The following PHACTR4 variants were observed in gnomAD, a reference collection of about 807,000 sequenced individuals.
PHACTR4 encodes phosphatase and actin regulator 4, also known as protein phosphatase 1, regulatory subunit 124.
In PHACTR4, 51 loss-of-function variants were observed where a neutral mutation model predicts 72.7. That is an observed-to-expected ratio of 0.70 (90% confidence interval 0.56 to 0.89). PHACTR4 has a LOEUF of 0.89. Ranked by LOEUF, PHACTR4 falls within the 40% of genes least tolerant of loss-of-function variation. The pLI is 0.00. For missense variants in PHACTR4, 731 were observed against 861.8 expected, an observed-to-expected ratio of 0.85 and a Z score of 1.90; for synonymous variants, 255 against 302.5, an observed-to-expected ratio of 0.84 and a Z score of 1.63.
chr1:28,486,217 G>A (rs767415275), intron 9 of PHACTR4, among the ~76,000 whole-genome samples: 1 of 151,962 alleles, frequency 6.6e-6, no homozygotes, highest in African/African-American at 2.4e-5. Context: ...TTAGCTGGGC[G>A]TGGTAGCACA....
intron 1 of PHACTR4, among the ~76,000 whole-genome samples, chr1:28,383,166 T>C (rs980521301): frequency 4.6e-5 from 7 of 152,196 alleles, no homozygotes; most frequent in East Asian, 1.9e-4. Context: ...CAGATACTTG[T>C]AGGTGTGTGG....
chr1:28,424,928 G>A (rs181893535), intron 2 of PHACTR4, among the ~76,000 whole-genome samples: 1 of 152,102 alleles, frequency 6.6e-6, no homozygotes, highest in Admixed American at 6.6e-5. Context: ...CTGGGAAGCT[G>A]GGGTTACAGG....
intron 6 of PHACTR4, among the ~76,000 whole-genome samples, chr1:28,473,343 C>CT (rs2124503527): frequency 6.6e-6 from 1 of 151,646 alleles, no homozygotes; most frequent in East Asian, 1.9e-4. Flanking sequence ...ACTCATCAGT[C>CT]TTCCTACACC....
intron 2 of PHACTR4, among the ~76,000 whole-genome samples, chr1:28,412,994 T>C (rs1339182679): frequency 1.3e-5 from 2 of 152,150 alleles, no homozygotes; most frequent in Non-Finnish European, 2.9e-5. Context: ...CAGTGAGCAT[T>C]ACAGTCTGAG....
chr1:28,396,834 T>C (rs1235215297), intron 1 of PHACTR4, among the ~76,000 whole-genome samples: 1 of 102,684 alleles, frequency 9.7e-6, no homozygotes, highest in Non-Finnish European at 1.9e-5. Context: ...AATTTCTTTC[T>C]TTCTTTCTTT....
intron 1 of PHACTR4, among the ~76,000 whole-genome samples, chr1:28,370,942 G>T (rs1651198597): frequency 6.6e-6 from 1 of 152,090 alleles, no homozygotes; most frequent in Admixed American, 6.6e-5. Flanking sequence ...AAGGAATGAA[G>T]CCCGTTTAGA....
chr1:28,410,873 A>C (rs866211332), intron 2 of PHACTR4, among the ~76,000 whole-genome samples: 1 of 151,432 alleles, frequency 6.6e-6, no homozygotes, highest in Non-Finnish European at 1.5e-5. Flanking sequence ...TGCCCAGCTA[A>C]TTTTTGTATT....
chr1:28,395,852 G>A (rs1216675427), intron 1 of PHACTR4, among the ~76,000 whole-genome samples: 2 of 109,402 alleles, frequency 1.8e-5, no homozygotes, highest in East Asian at 2.0e-4. Context: ...TAGTAGAGAC[G>A]GGGTTTCACC....
intron 2 of PHACTR4, chr1:28,433,179 A>T (rs1656391003): frequency 1.3e-6 from 1 of 746,312 alleles, no homozygotes; most frequent in Non-Finnish European, 1.6e-6. Context: ...ACAAATAACA[A>T]GAGATAGCTG....
intron 2 of PHACTR4, among the ~76,000 whole-genome samples, chr1:28,456,916 CAGATAGAT>C (rs67017920): frequency 0.21 from 31,286 of 150,760 alleles, 3,587 homozygotes; most frequent in Middle Eastern, 0.27. Flanking sequence ...GATAGAGAGA[CAGATAGAT>C]AGATAGATAG....
intron 1 of PHACTR4, among the ~76,000 whole-genome samples, chr1:28,402,819 C>T (rs1429774834): frequency 1.1e-4 from 16 of 152,154 alleles, no homozygotes; most frequent in Admixed American, 1.0e-3. Flanking sequence ...TCTGTAAGAA[C>T]AGGGGTATTT....
intron 1 of PHACTR4, among the ~76,000 whole-genome samples, chr1:28,382,143 T>C (rs973290132): frequency 6.6e-6 from 1 of 152,214 alleles, no homozygotes; most frequent in Non-Finnish European, 1.5e-5. Context: ...ATGCTGGATA[T>C]TAGACCTTTG....
chr1:28,382,122 G>A (rs1652219340), intron 1 of PHACTR4, among the ~76,000 whole-genome samples: 1 of 152,150 alleles, frequency 6.6e-6, no homozygotes, highest in Non-Finnish European at 1.5e-5. Flanking sequence ...ATTTGTTTAA[G>A]TTCCTTGTAG....
intron 4 of PHACTR4, 88 bp downstream of exon 4, chr1:28,460,380 CT>C (rs905056172): frequency 6.2e-6 from 6 of 964,986 alleles, no homozygotes; most frequent in Non-Finnish European, 9.2e-6. Context: ...TTCTTTCTTT[CT>C]TTTATATTGC....
Position 28,499,722 on chromosome 1 carries a change from C to G in PHACTR4, c.*3173C>G, listed in dbSNP as rs1312788219. 6.6e-6 allele frequency: 1 copy of G among 152,144 alleles called. No homozygotes were observed. The highest frequency in any genetic ancestry group is 2.4e-5 in the African/African-American group (1 of 41,422). 9.4% of individuals were successfully genotyped at this position (152,144 alleles called of 1,614,324 possible). A position where few individuals can be genotyped will look rare whatever the true frequency, so the allele number is the denominator to read the frequency against. Reference sequence around the variant, plus strand: ...AACACCGGGGCTCAAGGAATCTGCCCATCTTCGCCTCCCAAAGTTCTGAGA... The same window carrying G: ...AACACCGGGGCTCAAGGAATCTGCCGATCTTCGCCTCCCAAAGTTCTGAGA... On this transcript the variant is annotated 3_prime_UTR_variant, in exon 14 of 14. Transcript: ENST00000373839.
At chr1:28,387,115 G>T (rs998251826) in intron 1 of PHACTR4, among the ~76,000 whole-genome samples, 2 of 152,050 alleles carry the variant, frequency 1.3e-5, no homozygotes, top group South Asian at 2.1e-4. Context: ...ACAAAAATTA[G>T]CTGGGCGTGG....
intron 2 of PHACTR4, among the ~76,000 whole-genome samples, chr1:28,447,734 A>G (rs1229633875): frequency 6.6e-6 from 1 of 152,078 alleles, no homozygotes; most frequent in Non-Finnish European, 1.5e-5. Context: ...TCTTGATACA[A>G]TCATAGGCAG....
At chr1:28,448,214 A>G (rs775257504) in intron 2 of PHACTR4, among the ~76,000 whole-genome samples, 1 of 152,184 alleles carries the variant, frequency 6.6e-6, no homozygotes, top group East Asian at 1.9e-4. Context: ...AAAATCATAC[A>G]TTAAAATTTT....
rs568048554 is a variant in PHACTR4 at position 28,496,883 on chromosome 1, G to A, written c.*334G>A. ...CACCCCTTCCCCTAGATGACTGCCT[G>A]TGCAGAGACACAGTTTGCACCATTA... On this transcript the variant is annotated 3_prime_UTR_variant, in exon 14 of 14. Transcript: ENST00000373839. 323 of 415,410 alleles carry A rather than the reference G, an allele frequency of 7.8e-4. 5 individuals are homozygous for A. In the South Asian group the frequency reaches 7.9e-3, roughly 10 times the overall value. The allele number at this position is 415,410 out of a possible 1,614,324, so 25.7% of individuals were successfully genotyped here.
Sources: allele counts gnomAD v4.1 joint callset (sites outside exome capture counted in the v4.1 genomes callset), GRCh38; gene constraint gnomAD v4.1.1; transcripts MANE v1.5; gene names NCBI Gene and HGNC (gene_info 2026-07-23, HGNC 2026-07-21).